The following SP100 variants were observed in gnomAD, a reference collection of about 807,000 sequenced individuals.
The protein encoded by SP100 is nuclear autoantigen Sp-100.
Under a neutral mutation model 130.0 loss-of-function variants are expected in SP100, and 84 were observed. The observed-to-expected ratio is 0.65, with a 90% CI of 0.54 to 0.77. The LOEUF is 0.77. Among genes scored for constraint, SP100 ranks in the 30% least tolerant of loss-of-function variants. The pLI is 0.00. For missense variants in SP100, 978 were observed against 1,052.2 expected (o/e 0.93, Z 0.97); for synonymous variants, 331 against 351.7 (o/e 0.94, Z 0.66).
At chr2:230,431,100 G>A (rs1207635946) in intron 2 of SP100, among the ~76,000 whole-genome samples, 1 of 152,206 alleles carries the variant, frequency 6.6e-6, no homozygotes, top group Non-Finnish European at 1.5e-5. Context: ...CTCTGCAGGT[G>A]GACAGAGCTG....
rs147538531 is a variant in SP100 at position 230,525,125 on chromosome 2, T to C, written c.2094+13959T>C. On this transcript the variant is annotated intron_variant, in intron 24 of 28. Coordinates refer to ENST00000340126, the MANE Select transcript of SP100 (RefSeq NM_001080391.2). ...ATTTTGTATGAGAAAGGATTTTGTATGGTAAATTTTTGTCCTAAAGTAAAA... is the reference window on the plus strand; with the variant it reads ...ATTTTGTATGAGAAAGGATTTTGTACGGTAAATTTTTGTCCTAAAGTAAAA... 3.6e-3 allele frequency among the ~76,000 whole-genome samples: 546 copies of C among 152,246 alleles called. 5 individuals are homozygous for C. Among genetic ancestry groups the C allele is most frequent in the East Asian group, 0.022 (112 of 5,180 alleles).
At chr2:230,540,779 A>G (rs1273349245) in intron 25 of SP100, 97 bp from the exon 26 acceptor site, 1 of 1,455,644 alleles carries the variant, frequency 6.9e-7, no homozygotes, top group Non-Finnish European at 9.2e-7. Context: ...CAAGGTGGAA[A>G]CCACTAGGCA....
chr2:230,416,301 C>A lies in SP100; in HGVS notation c.5C>A (p.Ala2Glu). 1 of 1,613,388 alleles carries A rather than the reference C, an allele frequency of 6.2e-7. No individual in the cohort carries two copies. Among genetic ancestry groups the A allele is most frequent in the South Asian group, 1.1e-5 (1 of 91,026 alleles). ...CGCAGGGCCTAGGGTGGGAAGATGG[C>A]AGGTGGGGGCGGCGACCTGAGCACC... M[A>E]GGGGDLSTRR... Residue 2 changes from alanine to glutamate, a missense_variant, in exon 1 of 29, where the codon GCA becomes GAA. Transcript: ENST00000340126.
At chr2:230,479,411 T>C (rs980844393) in intron 17 of SP100, among the ~76,000 whole-genome samples, 2 of 152,242 alleles carry the variant, frequency 1.3e-5, no homozygotes, top group African/African-American at 2.4e-5. Flanking sequence ...AAAATACTGA[T>C]GGCCTTTCTT....
At chr2:230,496,144 C>A (rs1360983447) in intron 18 of SP100, among the ~76,000 whole-genome samples, 3 of 152,116 alleles carry the variant, frequency 2.0e-5, no homozygotes, top group South Asian at 4.1e-4. Flanking sequence ...TCTATAGAAG[C>A]CTCTCTACCT....
chr2:230,428,860 G>A (rs984175266), intron 2 of SP100, among the ~76,000 whole-genome samples: 3 of 152,264 alleles, frequency 2.0e-5, no homozygotes, highest in South Asian at 4.1e-4. Flanking sequence ...CCCAACACTG[G>A]GGATTACAAT....
chr2:230,434,424 A>G (rs1559485060), intron 2 of SP100, among the ~76,000 whole-genome samples: 1 of 152,238 alleles, frequency 6.6e-6, no homozygotes, highest in Non-Finnish European at 1.5e-5. Context: ...ACAAATATTT[A>G]TGGAACACCT....
At position 230,461,378 on chromosome 2, in the gene SP100, G is replaced by C. The variant is rs772049350; in HGVS notation, c.937G>C (p.Ala313Pro). ...TTCAAAAGTTGAGTGCCAAGCCCAA[G>C]CAAGAACTCATCATAACCAGGCATC... ...SNSKVECQAQ[A>P]RTHHNQASDI... The change falls in exon 9 of 29, where the codon GCA becomes CCA. Residue 313 changes from alanine (A) to proline (P), a missense_variant. Coordinates refer to ENST00000340126, the MANE Select transcript of SP100 (RefSeq NM_001080391.2). The C allele has an allele frequency of 5.0e-6, 8 of 1,614,168 alleles. No homozygotes were observed. The East Asian group carries it at 1.8e-4, about 36-fold the overall frequency.
chr2:230,521,811 G>T (rs1691183525), intron 24 of SP100, among the ~76,000 whole-genome samples: 1 of 152,184 alleles, frequency 6.6e-6, no homozygotes, highest in South Asian at 2.1e-4. Flanking sequence ...TGGCCCTGCT[G>T]CTACGGGCCC....
intron 27 of SP100, 138 bp from the exon 28 acceptor site, chr2:230,541,754 G>A (rs1231872787): frequency 1.8e-5 from 15 of 845,064 alleles, no homozygotes; most frequent in Non-Finnish European, 2.7e-5. Flanking sequence ...CCTCCCAAAG[G>A]TCCCACCTCC....
chr2:230,541,549 C>T (rs986540605), intron 27 of SP100, among the ~76,000 whole-genome samples, 177 bp downstream of exon 27: 2 of 152,268 alleles, frequency 1.3e-5, no homozygotes, highest in South Asian at 2.1e-4. Flanking sequence ...CTCACGGTCC[C>T]GGAGGCTGCA....
intron 15 of SP100, among the ~76,000 whole-genome samples, chr2:230,471,880 G>C (rs555556976): frequency 6.6e-6 from 1 of 152,110 alleles, no homozygotes; most frequent in Non-Finnish European, 1.5e-5. Flanking sequence ...GGAATTTTGT[G>C]GGGGAGGGAG....
At chr2:230,467,446 T>G (rs1300987458) in intron 13 of SP100, among the ~76,000 whole-genome samples, 3 of 152,212 alleles carry the variant, frequency 2.0e-5, no homozygotes, top group African/African-American at 7.2e-5. Context: ...ATTAGTCCAT[T>G]TTCATGTTGC....
In SP100 at chr2:230,545,541, C is replaced by T. The variant is rs1429877192; in HGVS notation, c.*2595C>T. ...CTATATAACAAACCTTCACATATAC[C>T]CCTGAACCTAAAAGTTTTTTTAATT... On this transcript the variant is annotated 3_prime_UTR_variant, in exon 29 of 29. Transcript: ENST00000340126. 6.6e-6 allele frequency among the ~76,000 whole-genome samples: 1 copy of T among 151,676 alleles called. No homozygotes were observed. The highest frequency in any genetic ancestry group is 2.1e-4 in the South Asian group (1 of 4,790).
At chr2:230,454,392 T>G (rs1428067121) in intron 8 of SP100, among the ~76,000 whole-genome samples, 3 of 149,396 alleles carry the variant, frequency 2.0e-5, no homozygotes, top group Non-Finnish European at 4.4e-5. Flanking sequence ...TTTGAGATCT[T>G]TCTTCTTTCT....
chr2:230,515,893 G>C (rs916726836), intron 24 of SP100: 5 of 1,213,418 alleles, frequency 4.1e-6, no homozygotes, highest in Non-Finnish European at 5.1e-6. Flanking sequence ...TTTAAAGCAG[G>C]TTCTTGTTAG....
rs991530752 is a variant in SP100 at position 230,453,922 on chromosome 2, C to T, written c.820+3667C>T. Among the ~76,000 whole-genome samples, 2 of 152,108 alleles carry T rather than the reference C, an allele frequency of 1.3e-5. 1 individual carries two copies. Among genetic ancestry groups the T allele is most frequent in the Admixed American group, 1.3e-4 (2 of 15,286 alleles). On this transcript the variant is annotated intron_variant, in intron 8 of 28. Coordinates refer to ENST00000340126, the MANE Select transcript of SP100 (RefSeq NM_001080391.2). The stretch of plus-strand genomic sequence containing the variant: ...GAATTCAACAGTGAAACCATCTGGT[C>T]CTGAACTTTTGTTTGGTGGGTGGTA...
chr2:230,416,404 G>C (rs2062600749), intron 1 of SP100, 76 bp downstream of exon 1: 3 of 1,270,464 alleles, frequency 2.4e-6, no homozygotes, highest in Non-Finnish European at 3.4e-6. Flanking sequence ...TTCAGTTTGT[G>C]CCTAAGGCTT....
Position 230,467,200 on chromosome 2 carries a change from A to C in SP100, c.1276A>C (p.Lys426Gln), listed in dbSNP as rs751056486. The C allele has an allele frequency of 6.2e-7, 1 of 1,613,400 alleles. No homozygotes were observed. The highest frequency in any genetic ancestry group is 2.2e-5 in the East Asian group (1 of 44,876). ...AGCCTCGAGCGGGGCACTGAGAAGC[A>C]AGCATGGTGAGAAGGGTAAGAACAG... ...AEASSGALRS[K>Q]HGEKAPMTSR... Residue 426 changes from lysine (K) to glutamine (Q), a missense_variant, in exon 13 of 29, where the codon AAG (lysine) becomes CAG (glutamine). Physicochemically the swap from Lys to Gln is moderately conservative, Grantham distance 53. Transcript: ENST00000340126.
Sources: allele counts gnomAD v4.1 joint callset (sites outside exome capture counted in the v4.1 genomes callset), GRCh38; gene constraint gnomAD v4.1.1; transcripts MANE v1.5; gene names NCBI Gene and HGNC (gene_info 2026-07-23, HGNC 2026-07-21).